Variants in ASB5 observed in about 807,000 individuals in gnomAD.
ASB5 encodes the protein ankyrin repeat and SOCS box containing 5, also known as ankyrin repeat and SOCS box protein 5.
In ASB5, 45 loss-of-function variants were observed where a neutral mutation model predicts 42.1. The observed-to-expected ratio is 1.07, with a 90% CI of 0.84 to 1.37. The LOEUF (loss-of-function observed/expected upper bound fraction) is 1.37. ASB5 is among the 40% of genes most tolerant of loss of function. The pLI is 0.00. For missense variants in ASB5, 402 were observed against 399.8 expected (o/e 1.01, Z -0.05); for synonymous variants, 147 against 150.6 (o/e 0.98, Z 0.18).
chr4:176,241,471 C>T, intron 1 of ASB5: 1 of 1,535,306 alleles, frequency 6.5e-7, no homozygotes, highest in Non-Finnish European at 8.7e-7. Flanking sequence ...CCTGTTACTG[C>T]CAAATTTCCA....
chr4:176,228,216 T>C (rs1374147614), intron 1 of ASB5, among the ~76,000 whole-genome samples: 1 of 152,246 alleles, frequency 6.6e-6, no homozygotes, highest in African/African-American at 2.4e-5. Flanking sequence ...ACAGTCTTTA[T>C]TAATCATCTC....
Position 176,213,846 on chromosome 4 carries a change from A to G in ASB5, c.*1754T>C, listed in dbSNP as rs1472211168. The G allele has an allele frequency of 6.6e-6, 1 of 152,106 alleles. No homozygotes were observed. The highest frequency in any genetic ancestry group is 2.4e-5 in the African/African-American group (1 of 41,456). The allele number at this position is 152,106 out of a possible 1,614,324, so 9.4% of individuals were successfully genotyped here. ...TTTGATATTTACTTCTCTTATTGGC[A>G]CAAGACTAATAAGATAGATGGGTTG... On this transcript the variant is annotated 3_prime_UTR_variant, in exon 7 of 7. Transcript: ENST00000296525.
chr4:176,272,595 A>T (rs894374327), upstream of ASB5, among the ~76,000 whole-genome samples: 2 of 151,230 alleles, frequency 1.3e-5, no homozygotes, highest in Non-Finnish European at 2.9e-5. Context: ...GACCCCTAGG[A>T]CTCCCCACCT....
At chr4:176,261,346 G>A (rs1754264920) in intron 1 of ASB5, among the ~76,000 whole-genome samples, 1 of 152,098 alleles carries the variant, frequency 6.6e-6, no homozygotes, top group Admixed American at 6.5e-5. Context: ...AATTATTTCC[G>A]TCATTAGCTA....
rs767371930 is a variant in ASB5 at position 176,221,403 on chromosome 4, C to G, written c.535+47G>C. On this transcript the variant is annotated intron_variant, in intron 4 of 6. Coordinates refer to ENST00000296525, the MANE Select transcript of ASB5 (RefSeq NM_080874.4). ...AAGATCAACAGAGCACTGCAGGTTG[C>G]TAAAGAAACTTTCTTCCCTTGTCAC... 4 of 1,602,976 alleles carry G rather than the reference C, an allele frequency of 2.5e-6. No individual in the cohort carries two copies. In the South Asian group the frequency reaches 4.5e-5, roughly 18 times the overall value.
At chr4:176,244,013 A>G (rs1264640927) in intron 1 of ASB5, among the ~76,000 whole-genome samples, 2 of 152,148 alleles carry the variant, frequency 1.3e-5, no homozygotes, top group African/African-American at 4.8e-5. Context: ...AAACCATTCA[A>G]TTTATAGCTA....
intron 5 of ASB5, 120 bp downstream of exon 5, chr4:176,221,035 A>T: frequency 7.9e-7 from 1 of 1,268,460 alleles, no homozygotes; most frequent in Non-Finnish European, 1.1e-6. Flanking sequence ...CATGTGTGAA[A>T]ATGCTTAAAA....
chr4:176,250,653 A>AAAACAAG (rs1393172465), intron 1 of ASB5, among the ~76,000 whole-genome samples: 1 of 152,274 alleles, frequency 6.6e-6, no homozygotes, highest in Non-Finnish European at 1.5e-5. Context: ...GGCTATCAGC[A>AAAACAAG]AAACAAGACA....
intron 1 of ASB5, among the ~76,000 whole-genome samples, chr4:176,253,017 C>T (rs1348196878): frequency 2.6e-5 from 4 of 152,146 alleles, no homozygotes; most frequent in Non-Finnish European, 5.9e-5. Context: ...TGAGGTAGGG[C>T]ATGTTCAGGT....
intron 1 of ASB5, among the ~76,000 whole-genome samples, chr4:176,264,715 T>C (rs1463076353): frequency 6.6e-6 from 1 of 152,110 alleles, no homozygotes; most frequent in Non-Finnish European, 1.5e-5. Flanking sequence ...CCTGTGTGGC[T>C]AATCAGTCTT....
chr4:176,217,357 A>G, intron 5 of ASB5, among the ~76,000 whole-genome samples: 1 of 152,174 alleles, frequency 6.6e-6, no homozygotes, highest in Non-Finnish European at 1.5e-5. Context: ...TATTATAAAG[A>G]GTGCACAATT....
chr4:176,244,822 G>A (rs568251990), intron 1 of ASB5, among the ~76,000 whole-genome samples: 2 of 152,242 alleles, frequency 1.3e-5, no homozygotes, highest in Admixed American at 6.5e-5. Flanking sequence ...GGATGTCGGG[G>A]CTTATCCTGA....
At chr4:176,249,020 A>G (rs1344596780) in intron 1 of ASB5, among the ~76,000 whole-genome samples, 1 of 152,190 alleles carries the variant, frequency 6.6e-6, no homozygotes, top group Admixed American at 6.5e-5. Context: ...AGGCTAGAGT[A>G]CAGTGGTGTG....
intron 1 of ASB5, among the ~76,000 whole-genome samples, chr4:176,244,341 T>C (rs1311471872): frequency 6.6e-6 from 1 of 152,216 alleles, no homozygotes; most frequent in Non-Finnish European, 1.5e-5. Context: ...CACAAATTCA[T>C]TGATGTACAG....
chr4:176,226,572 A>G (rs1753384775), intron 1 of ASB5, among the ~76,000 whole-genome samples: 1 of 152,072 alleles, frequency 6.6e-6, no homozygotes, highest in Admixed American at 6.5e-5. Context: ...GTATCTAGGT[A>G]TCTATCTATT....
chr4:176,275,162 G>A (rs994491401), intron 2 of ASB5, among the ~76,000 whole-genome samples: 5 of 152,042 alleles, frequency 3.3e-5, no homozygotes, highest in African/African-American at 1.2e-4. Flanking sequence ...TGATCCGCCC[G>A]TCTCGGCCTC....
intron 5 of ASB5, among the ~76,000 whole-genome samples, chr4:176,219,460 T>TATGTATTTGTATGATATATAA (rs1753117582): frequency 1.6e-5 from 1 of 61,564 alleles, no homozygotes; most frequent in Admixed American, 2.6e-4. Flanking sequence ...GATATATAAA[T>TATGTATTTGTATGATATATAA]ATATATATTT....
At chr4:176,237,262 A>G in intron 1 of ASB5, 2 of 984,916 alleles carry the variant, frequency 2.0e-6, no homozygotes, top group Non-Finnish European at 2.4e-6. Context: ...ATTTCAGGAC[A>G]CTGACAGATT....
At chr4:176,268,777 G>T in intron 1 of ASB5, 136 bp downstream of exon 1, 1 of 699,070 alleles carries the variant, frequency 1.4e-6, no homozygotes, top group Non-Finnish European at 2.1e-6. Flanking sequence ...AAGCCACGAA[G>T]TGAGTTACAA....
Sources: allele counts gnomAD v4.1 joint callset (sites outside exome capture counted in the v4.1 genomes callset), GRCh38; gene constraint gnomAD v4.1.1; transcripts MANE v1.5; gene names NCBI Gene and HGNC (gene_info 2026-07-23, HGNC 2026-07-21).